Variants in KCNQ2 observed in about 807,000 individuals in gnomAD.
The protein encoded by KCNQ2 is potassium voltage-gated channel subfamily KQT member 2.
A neutral mutation model predicts 84.8 loss-of-function variants in KCNQ2; 14 were observed. That is an observed-to-expected ratio of 0.17 (90% CI 0.11 to 0.26). KCNQ2 has a LOEUF of 0.26. Ranked by LOEUF, KCNQ2 falls within the 10% of genes least tolerant of loss-of-function variation. The pLI, the probability that KCNQ2 is intolerant of heterozygous loss-of-function variation, is 1.00. For synonymous variants in KCNQ2, 599 were observed against 554.1 expected (o/e 1.08, Z -1.14); for missense variants, 788 against 1,254.0 (o/e 0.63, Z 5.61).
At position 63,460,854 on chromosome 20, in the gene KCNQ2, T is replaced by A. The variant is rs929077726; in HGVS notation, c.296+11314A>T. ...CAGGGACACCACACAACACAGGGAC[T>A]CTGCCGTCATCCATGTCCACAGGTG... On this transcript the variant is annotated intron_variant, in intron 1 of 16. Coordinates refer to ENST00000359125, the MANE Select transcript of KCNQ2 (RefSeq NM_172107.4). This position sits in a 1 kb window ranked among gnomAD's most constrained non-coding sequence, Gnocchi z 5.4. 5.9e-5 allele frequency: 9 copies of A among 152,396 alleles called. No homozygotes were observed. Among genetic ancestry groups the A allele is most frequent in the Middle Eastern group, 3.4e-3 (1 of 294 alleles). 9.4% of individuals were successfully genotyped at this position (152,396 alleles called of 1,614,324 possible).
chr20:63,421,960 C>T (rs1036351703), intron 11 of KCNQ2, among the ~76,000 whole-genome samples: 2 of 152,178 alleles, frequency 1.3e-5, no homozygotes, highest in African/African-American at 2.4e-5. Context: ...CCAGCCGGGT[C>T]GCCTGCCACC....
rs1388758909 is a variant in KCNQ2 at position 63,408,875 on chromosome 20, C to T, written c.1764-339G>A. On this transcript the variant is annotated intron_variant, in intron 15 of 16. Coordinates refer to ENST00000359125, the MANE Select transcript of KCNQ2 (RefSeq NM_172107.4). The surrounding 1 kb of genome is among the most constrained non-coding windows in gnomAD (Gnocchi z 5.0). ...CGCCCCCTCCAGCCAGCCCCACCTG[C>T]TCACCCTCTTCCCTGCCCAAGGCCT... Among the ~76,000 whole-genome samples the T allele has an allele frequency of 2.6e-5, 4 of 152,224 alleles. No homozygotes were observed. The highest frequency in any genetic ancestry group is 5.9e-5 in the Non-Finnish European group (4 of 68,044).
intron 14 of KCNQ2, 92 bp from the exon 15 acceptor site, chr20:63,413,673 C>T: frequency 6.8e-7 from 1 of 1,467,662 alleles, no homozygotes; most frequent in Non-Finnish European, 9.5e-7. Flanking sequence ...GACCTCGGCG[C>T]CTGGAGATGG....
Position 63,400,826 on chromosome 20 carries a change from T to C in KCNQ2, c.*5818A>G, listed in dbSNP as rs2079794477. The C allele has an allele frequency of 5.0e-6, 2 of 398,132 alleles. No homozygotes were observed. Among genetic ancestry groups the C allele is most frequent in the Admixed American group, 4.4e-5 (1 of 22,722 alleles). 24.7% of individuals were successfully genotyped at this position (398,132 alleles called of 1,614,324 possible). ...CGTGAGACCCCTCCTGCCCTGCGCG[T>C]GTCTCTGGAGCCCGTCCCTTGGGCC... On this transcript the variant is annotated 3_prime_UTR_variant, in exon 17 of 17. Transcript: ENST00000359125. This position sits in a 1 kb window ranked among gnomAD's most constrained non-coding sequence, Gnocchi z 8.7.
In KCNQ2 at chr20:63,403,619, T is replaced by C. The variant is rs2079853883; in HGVS notation, c.*3025A>G. On this transcript the variant is annotated 3_prime_UTR_variant, in exon 17 of 17. Coordinates refer to ENST00000359125, the MANE Select transcript of KCNQ2 (RefSeq NM_172107.4). ...GTGTACATGTAAGCGTGCATGTGTA[T>C]GCCTGTATGCAGGCATGTGTATGCA... The C allele has an allele frequency of 6.6e-6, 1 of 152,370 alleles. No individual in the cohort carries two copies. Among genetic ancestry groups the C allele is most frequent in the Non-Finnish European group, 1.5e-5 (1 of 68,142 alleles). 9.4% of individuals were successfully genotyped at this position (152,370 alleles called of 1,614,324 possible). A position where few individuals can be genotyped will look rare whatever the true frequency, so the allele number is the denominator to read the frequency against.
intron 2 of KCNQ2, among the ~76,000 whole-genome samples, chr20:63,445,766 C>T (rs1390390582): frequency 0.047 from 5,597 of 119,616 alleles, 814 homozygotes; most frequent in Middle Eastern, 0.07. Context: ...GCTGGGGGAC[C>T]CTGTCTGAGC....
intron 15 of KCNQ2, among the ~76,000 whole-genome samples, chr20:63,411,555 G>A (rs904400886): frequency 6.6e-6 from 1 of 152,194 alleles, no homozygotes; most frequent in Non-Finnish European, 1.5e-5. Flanking sequence ...TTGTCGAGAG[G>A]AGCAGTGGGG....
chr20:63,462,013 C>T (rs2081967850), intron 1 of KCNQ2, among the ~76,000 whole-genome samples: 1 of 125,828 alleles, frequency 7.9e-6, no homozygotes. Flanking sequence ...GGAGGCTGCA[C>T]CTACCCCAGG....
chr20:63,417,717 C>T (rs1468463677), intron 12 of KCNQ2, among the ~76,000 whole-genome samples: 14 of 152,228 alleles, frequency 9.2e-5, no homozygotes, highest in Admixed American at 6.5e-5. Context: ...AAGGGAGTGG[C>T]GTGGATTCCA....
chr20:63,441,726 C>G (rs572599151), intron 5 of KCNQ2, among the ~76,000 whole-genome samples: 2 of 152,326 alleles, frequency 1.3e-5, no homozygotes, highest in East Asian at 3.9e-4. Flanking sequence ...TCTCAACCCC[C>G]ACCCAAGCCC....
chr20:63,457,654 G>A (rs1458910199), intron 1 of KCNQ2, among the ~76,000 whole-genome samples: 1 of 152,316 alleles, frequency 6.6e-6, no homozygotes, highest in African/African-American at 2.4e-5. Context: ...AGCTGGAGGC[G>A]GGGGTCCTGC....
chr20:63,413,946 CG>C, intron 14 of KCNQ2, 141 bp downstream of exon 14: 1 of 696,120 alleles, frequency 1.4e-6, no homozygotes, highest in South Asian at 1.6e-5. Context: ...CAGGTCCACC[CG>C]TGTCTTAGCC....
chr20:63,463,780 C>T (rs1285954382), intron 1 of KCNQ2: 1 of 152,168 alleles, frequency 6.6e-6, no homozygotes, highest in East Asian at 1.9e-4. Flanking sequence ...TGGGGAGGAA[C>T]AAAACTAGAG....
At chr20:63,434,040 C>G (rs1034633929) in intron 7 of KCNQ2, 137 bp from the exon 8 acceptor site, 2 of 691,114 alleles carry the variant, frequency 2.9e-6, no homozygotes, top group Non-Finnish European at 5.0e-6. Flanking sequence ...GGCCAGCAGG[C>G]CAGGCCCCAG....
At chr20:63,431,583 G>A (rs1299051213) in intron 8 of KCNQ2, among the ~76,000 whole-genome samples, 2 of 152,110 alleles carry the variant, frequency 1.3e-5, no homozygotes, top group Non-Finnish European at 2.9e-5. Flanking sequence ...GGAAAGACAA[G>A]CAGGGCCAGG....
intron 12 of KCNQ2, 121 bp downstream of exon 12, chr20:63,419,498 T>C: frequency 3.2e-6 from 3 of 948,962 alleles, no homozygotes; most frequent in Non-Finnish European, 4.9e-6. Flanking sequence ...GCCAGGGCGG[T>C]GGGTCAGAAT....
In KCNQ2 at chr20:63,407,458, G is replaced by A. The variant is rs2079983869; in HGVS notation, c.1888-83C>T. ...CCAGGCTGCTCCCAGGAAATGGGGG[G>A]GCCCAGGCTGGTTCCAGGAAACAGG... On this transcript the variant is annotated intron_variant, in intron 16 of 16. Transcript: ENST00000359125. This position sits in a 1 kb window ranked among gnomAD's most constrained non-coding sequence, Gnocchi z 7.2. 9 of 1,458,786 alleles carry A rather than the reference G, an allele frequency of 6.2e-6. No homozygotes were observed. The highest frequency in any genetic ancestry group is 1.4e-5 in the African/African-American group (1 of 70,906). The allele number at this position is 1,458,786 out of a possible 1,614,324, so 90.4% of individuals were successfully genotyped here.
Position 63,408,321 on chromosome 20 carries a change from G to A in KCNQ2, c.1887+92C>T, listed in dbSNP as rs2080011367. The A allele has an allele frequency of 1.3e-6, 2 of 1,518,938 alleles. No homozygotes were observed. Among genetic ancestry groups the A allele is most frequent in the Non-Finnish European group, 1.8e-6 (2 of 1,114,624 alleles). The allele number at this position is 1,518,938 out of a possible 1,614,324, so 94.1% of individuals were successfully genotyped here. The stretch of plus-strand genomic sequence containing the variant: ...ACCCTAGACTTGAGGAGCCCTCCGT[G>A]GCACCCAGCCCCTGAAGCCCACACT... On this transcript the variant is annotated intron_variant, in intron 16 of 16. Coordinates refer to ENST00000359125, the MANE Select transcript of KCNQ2 (RefSeq NM_172107.4). The surrounding 1 kb of genome is among the most constrained non-coding windows in gnomAD (Gnocchi z 5.0).
rs762518963 is a variant in KCNQ2 at position 63,414,942 on chromosome 20, A to T, written c.1486T>A (p.Phe496Ile). 2 of 1,612,678 alleles carry T rather than the reference A, an allele frequency of 1.2e-6. No homozygotes were observed. Among genetic ancestry groups the T allele is most frequent in the Admixed American group, 3.3e-5 (2 of 60,010 alleles). ...FGDRSRARQA[F>I]RIKGAASRQN... ...CGTGACGCGGCACCCTTGATGCGGA[A>T]AGCCTGGCGTGCCCGGCTGCGGTCC... Residue 496 changes from phenylalanine (F) to isoleucine (I), a missense_variant, in exon 13 of 17, where the codon TTC (phenylalanine) becomes ATC (isoleucine). Phe to Ile is a conservative substitution (Grantham distance 21). This residue lies in a region of KCNQ2 where 202 missense variants were observed against 239.4 expected (regional missense o/e 0.84). Transcript: ENST00000359125. This position sits in a 1 kb window ranked among gnomAD's most constrained non-coding sequence, Gnocchi z 6.6.
Sources: allele counts gnomAD v4.1 joint callset (sites outside exome capture counted in the v4.1 genomes callset), GRCh38; gene constraint gnomAD v4.1.1; regional missense constraint gnomAD v4.1.1; non-coding constraint Gnocchi (gnomAD v3.1); transcripts MANE v1.5; gene names NCBI Gene and HGNC (gene_info 2026-07-23, HGNC 2026-07-21).